GRIK3: variants seen among roughly 807,000 people sequenced by gnomAD.
The protein encoded by GRIK3 is glutamate receptor ionotropic, kainate 3.
GRIK3 carries 29 observed loss-of-function variants against 102.5 expected under a neutral mutation model. The ratio of observed to expected loss-of-function variants is 0.28; its 90% CI spans 0.21 to 0.39. The LOEUF (loss-of-function observed/expected upper bound fraction) is 0.39. GRIK3 is among the 10% of genes least tolerant of loss of function. The pLI is 1.00. For synonymous variants in GRIK3, 511 were observed against 504.9 expected, an observed-to-expected ratio of 1.01 and a Z score of -0.16; for missense variants, 908 against 1,252.4, an observed-to-expected ratio of 0.73 and a Z score of 4.15.
In GRIK3 at chr1:36,805,239, T is replaced by C; in HGVS notation, c.2315-2A>G. On this transcript the variant is annotated splice_acceptor_variant, in intron 14 of 15. Transcript: ENST00000373091. LOFTEE classifies it high-confidence loss of function. ...TGATCTTGTCCCGGTATGGGGAGCC[T>C]GAGCAGGGAGAAGGGACCCCTAGCC... 6.2e-7 allele frequency: 1 copy of C among 1,604,426 alleles called. No homozygotes were observed. The highest frequency in any genetic ancestry group is 8.5e-7 in the Non-Finnish European group (1 of 1,174,574).
chr1:37,029,705 C>A (rs1000849631), intron 1 of GRIK3, among the ~76,000 whole-genome samples: 1 of 152,218 alleles, frequency 6.6e-6, no homozygotes, highest in African/African-American at 2.4e-5. Context: ...GGGACAGGCA[C>A]AGAGTGCCTG....
intron 13 of GRIK3, among the ~76,000 whole-genome samples, chr1:36,811,838 A>T (rs79994775): frequency 2.6e-5 from 4 of 152,296 alleles, no homozygotes; most frequent in Non-Finnish European, 5.9e-5. Flanking sequence ...CCTCTTGCTA[A>T]TTGCTGCATG....
intron 5 of GRIK3, among the ~76,000 whole-genome samples, chr1:36,866,823 A>G (rs1425511551): frequency 6.6e-6 from 1 of 152,192 alleles, no homozygotes; most frequent in Non-Finnish European, 1.5e-5. Context: ...TACTTTCCAC[A>G]TTGCATTGCA....
At chr1:36,980,995 C>T (rs1642243198) in intron 1 of GRIK3, among the ~76,000 whole-genome samples, 1 of 152,194 alleles carries the variant, frequency 6.6e-6, no homozygotes, top group Admixed American at 6.5e-5. Flanking sequence ...AAACGATGAC[C>T]ATAGCTGAAA....
chr1:36,869,651 C>G, intron 5 of GRIK3, 97 bp downstream of exon 5: 1 of 931,410 alleles, frequency 1.1e-6, no homozygotes, highest in East Asian at 2.4e-5. Flanking sequence ...GAAGCTGCAG[C>G]AATTGTCTTC....
At chr1:36,950,933 G>A (rs1641837674) in intron 1 of GRIK3, among the ~76,000 whole-genome samples, 1 of 152,238 alleles carries the variant, frequency 6.6e-6, no homozygotes, top group Admixed American at 6.5e-5. Context: ...AGGAGGGTTT[G>A]GGGTGGGGCA....
chr1:36,825,516 C>G, intron 11 of GRIK3, 87 bp downstream of exon 11: 1 of 825,112 alleles, frequency 1.2e-6, no homozygotes, highest in Non-Finnish European at 1.9e-6. Context: ...CTTGGGCTTT[C>G]TGTGCCAGGG....
chr1:36,985,294 G>A (rs1248019498), intron 1 of GRIK3, among the ~76,000 whole-genome samples: 4 of 152,142 alleles, frequency 2.6e-5, no homozygotes, highest in South Asian at 4.1e-4. Flanking sequence ...CCAAAGCAGA[G>A]CAGGGTGGTC....
chr1:36,846,067 C>T (rs1640516256), intron 9 of GRIK3, among the ~76,000 whole-genome samples: 1 of 152,236 alleles, frequency 6.6e-6, no homozygotes, highest in African/African-American at 2.4e-5. Context: ...AGTCTTGAAC[C>T]TTCAAAAGCT....
In GRIK3 at chr1:36,801,887, C is replaced by T. The variant is rs745921697; in HGVS notation, c.2724G>A (p.Met908Ile). The change falls in exon 16 of 16, where the codon ATG (methionine) becomes ATA (isoleucine). Residue 908 changes from methionine (M) to isoleucine (I), a missense_variant. Met to Ile is a conservative substitution (Grantham distance 10, BLOSUM62 1). Coordinates refer to ENST00000373091, the MANE Select transcript of GRIK3 (RefSeq NM_000831.4). ...CAGGGGCTAAGGATGTGCTGCAGGC[C>T]ATGCTGTCCTTGCCGGGAAGCCGGC... Reference protein sequence around the residue: ...NDRRLPGKDSMACSTSLAPVF... With the variant: ...NDRRLPGKDSIACSTSLAPVF... 1.8e-5 allele frequency: 29 copies of T among 1,612,300 alleles called. No homozygotes were observed. The South Asian group carries it at 2.8e-4, about 15-fold the overall frequency.
Position 36,806,862 on chromosome 1 carries a change from C to T in GRIK3, c.2092-536G>A, listed in dbSNP as rs971058188. On this transcript the variant is annotated intron_variant, in intron 13 of 15. Coordinates refer to ENST00000373091, the MANE Select transcript of GRIK3 (RefSeq NM_000831.4). This position sits in a 1 kb window ranked among gnomAD's most constrained non-coding sequence, Gnocchi z 4.0. ...TCCATACCCCTAACCCCTCAGCTGC[C>T]CTGCCTCACAGAAACCACTGTGAGG... Among the ~76,000 whole-genome samples, 4 of 152,154 alleles carry T rather than the reference C, an allele frequency of 2.6e-5. No homozygotes were observed. The highest frequency in any genetic ancestry group is 9.7e-5 in the African/African-American group (4 of 41,432).
At chr1:36,810,162 A>T (rs1249476293) in intron 13 of GRIK3, among the ~76,000 whole-genome samples, 1 of 152,052 alleles carries the variant, frequency 6.6e-6, no homozygotes, top group Non-Finnish European at 1.5e-5. Flanking sequence ...GGATAGATAA[A>T]TCCAGAGCCC....
intron 1 of GRIK3, among the ~76,000 whole-genome samples, chr1:37,012,694 G>C (rs7546063): frequency 6.6e-6 from 1 of 152,156 alleles, no homozygotes; most frequent in African/African-American, 2.4e-5. Flanking sequence ...GCAACTAAAC[G>C]CTAAAGGAAT....
At chr1:36,833,068 C>T (rs906486945) in intron 10 of GRIK3, among the ~76,000 whole-genome samples, 1 of 152,216 alleles carries the variant, frequency 6.6e-6, no homozygotes, top group Non-Finnish European at 1.5e-5. Flanking sequence ...GCTTGTTTCA[C>T]TCACTGATGT....
At chr1:36,957,372 CT>C (rs1435213318) in intron 1 of GRIK3, among the ~76,000 whole-genome samples, 1 of 150,600 alleles carries the variant, frequency 6.6e-6, no homozygotes, top group Admixed American at 6.6e-5. Flanking sequence ...AGTCTGTGCC[CT>C]GTGAGCCTGT....
intron 1 of GRIK3, among the ~76,000 whole-genome samples, chr1:36,974,970 G>A (rs144682158): frequency 2.6e-5 from 4 of 152,208 alleles, no homozygotes; most frequent in Non-Finnish European, 5.9e-5. Context: ...CAGCAAGTAG[G>A]ACAGAAGTTA....
chr1:36,865,457 G>A (rs1319675973), intron 5 of GRIK3, among the ~76,000 whole-genome samples: 1 of 152,212 alleles, frequency 6.6e-6, no homozygotes, highest in Non-Finnish European at 1.5e-5. Context: ...CACAAAGAGG[G>A]AGGATCACGA....
At chr1:36,842,944 G>T (rs556557568) in intron 9 of GRIK3, among the ~76,000 whole-genome samples, 65 of 152,254 alleles carry the variant, frequency 4.3e-4, no homozygotes, top group Admixed American at 1.2e-3. Flanking sequence ...CCCCAGGAAG[G>T]TGCTTGTGGG....
chr1:36,907,509 C>CT (rs1047122733), intron 1 of GRIK3, among the ~76,000 whole-genome samples: 18 of 152,152 alleles, frequency 1.2e-4, no homozygotes, highest in Non-Finnish European at 8.8e-5. Context: ...CCAGCTCCTG[C>CT]TGTTTGGAGG....
Sources: gnomAD v4.1 joint callset for allele counts (sites outside exome capture counted in the v4.1 genomes callset) on GRCh38, gnomAD v4.1.1 for gene constraint, Gnocchi (gnomAD v3.1) non-coding constraint, MANE v1.5 for transcripts, NCBI Gene and HGNC (gene_info 2026-07-23, HGNC 2026-07-21) for gene names.